The following HOMER2 variants were observed in gnomAD, a reference collection of about 807,000 sequenced individuals.
HOMER2 encodes the protein homer protein homolog 2.
Under a neutral mutation model 47.0 loss-of-function variants are expected in HOMER2, and 27 were observed. The observed-to-expected ratio is 0.57, with a 90% confidence interval of 0.42 to 0.79. The LOEUF (loss-of-function observed/expected upper bound fraction) is 0.79, where lower values mean the gene tolerates loss of function less well. Among genes scored for constraint, HOMER2 ranks in the 30% least tolerant of loss-of-function variants. The pLI, the probability that HOMER2 is intolerant of heterozygous loss-of-function variation, is 0.00. For missense variants in HOMER2, 443 were observed against 435.0 expected, an observed-to-expected ratio of 1.02 and a Z score of -0.16; for synonymous variants, 161 against 163.8, an observed-to-expected ratio of 0.98 and a Z score of 0.13.
intron 1 of HOMER2, among the ~76,000 whole-genome samples, chr15:82,922,777 G>C (rs2053762116): frequency 6.6e-6 from 1 of 152,128 alleles, no homozygotes; most frequent in Admixed American, 6.5e-5. Context: ...CTCAGCCTTT[G>C]TCTCCACCTA....
intron 1 of HOMER2, among the ~76,000 whole-genome samples, chr15:82,893,623 G>A (rs111269786): frequency 0.012 from 1,622 of 137,730 alleles, 29 homozygotes; most frequent in African/African-American, 0.045. Context: ...AAGCCACTGC[G>A]CCTTTTTTTT....
At chr15:82,912,225 G>A (rs1312336323) in intron 1 of HOMER2, among the ~76,000 whole-genome samples, 7 of 151,980 alleles carry the variant, frequency 4.6e-5, no homozygotes, top group Admixed American at 2.6e-4. Flanking sequence ...CTCAAACCCC[G>A]TACTCATTAG....
Position 82,868,548 on chromosome 15 carries a change from T to A in HOMER2, c.295-4289A>T, listed in dbSNP as rs1351811951. Among the ~76,000 whole-genome samples, 245 of 117,176 alleles carry A rather than the reference T, an allele frequency of 2.1e-3. 2 individuals are homozygous for A. The highest frequency in any genetic ancestry group is 3.9e-3 in the African/African-American group (119 of 30,480). 76.9% of individuals were successfully genotyped at this position (117,176 alleles called of 152,430 possible). Reference sequence around the variant, plus strand: ...TTATATATATATATATATATTTTTTTTTTTTTTTTTCCCCTTTTGAGACTG... The same window carrying A: ...TTATATATATATATATATATTTTTTATTTTTTTTTTCCCCTTTTGAGACTG... On this transcript the variant is annotated intron_variant, in intron 3 of 8. Transcript: ENST00000450735.
At chr15:82,873,768 G>C (rs961795617) in intron 3 of HOMER2, among the ~76,000 whole-genome samples, 5 of 152,222 alleles carry the variant, frequency 3.3e-5, no homozygotes, top group African/African-American at 1.2e-4. Context: ...AGGAAACAGA[G>C]TCTTCGTGGA....
intron 1 of HOMER2, among the ~76,000 whole-genome samples, chr15:82,933,420 A>T (rs1374748442): frequency 6.6e-6 from 1 of 152,060 alleles, no homozygotes; most frequent in Non-Finnish European, 1.5e-5. Context: ...AACACAAAAA[A>T]TGACTGGTAG....
chr15:82,932,734 T>C (rs2151199550), intron 1 of HOMER2, among the ~76,000 whole-genome samples: 1 of 152,146 alleles, frequency 6.6e-6, no homozygotes, highest in African/African-American at 2.4e-5. Flanking sequence ...CAAGACACTC[T>C]CTCTGAGGAT....
intron 4 of HOMER2, among the ~76,000 whole-genome samples, chr15:82,863,307 G>A (rs1666505303): frequency 6.6e-6 from 1 of 152,028 alleles, no homozygotes; most frequent in African/African-American, 2.4e-5. Flanking sequence ...AACCCTCTCA[G>A]GTGAAATCCA....
chr15:82,842,860 G>C (rs959012391), exon 2 of HOMER2: 2 of 152,000 alleles, frequency 1.3e-5, no homozygotes, highest in African/African-American at 4.8e-5. Flanking sequence ...ACAGTGTTGG[G>C]GTAATTTAGA....
intron 3 of HOMER2, among the ~76,000 whole-genome samples, chr15:82,868,542 T>TATATATATATA (rs370867216): frequency 0.014 from 609 of 42,594 alleles, 14 homozygotes; most frequent in Middle Eastern, 0.026. Context: ...TATATATATA[T>TATATATATATA]TTTTTTTTTT....
downstream of HOMER2, chr15:82,845,828 T>C (rs750755243): frequency 2.0e-5 from 3 of 152,304 alleles, no homozygotes; most frequent in East Asian, 1.9e-4. Context: ...CTGGTTTCTA[T>C]AGAGAAGGAG....
upstream of HOMER2, chr15:82,952,757 G>A: frequency 1.1e-6 from 1 of 935,670 alleles, no homozygotes; most frequent in Non-Finnish European, 1.3e-6. Flanking sequence ...CTGGGGCGGT[G>A]CCCGCCCCGC....
At chr15:82,924,396 C>G (rs1367279330) in intron 1 of HOMER2, among the ~76,000 whole-genome samples, 1 of 138,756 alleles carries the variant, frequency 7.2e-6, no homozygotes, top group African/African-American at 2.7e-5. Flanking sequence ...GGCCCCAGAA[C>G]AGCCCCTGCT....
chr15:82,971,247 G>A (rs1387861048), intron 1 of HOMER2, among the ~76,000 whole-genome samples: 2 of 152,144 alleles, frequency 1.3e-5, no homozygotes, highest in East Asian at 1.9e-4. Context: ...AAAATTATGG[G>A]GGGTAGGGAA....
At chr15:82,938,312 T>C (rs2054185126) in intron 1 of HOMER2, among the ~76,000 whole-genome samples, 1 of 152,108 alleles carries the variant, frequency 6.6e-6, no homozygotes, top group Non-Finnish European at 1.5e-5. Flanking sequence ...AGGCAGAGGT[T>C]GCAGTAAGTT....
At chr15:82,859,970 G>A (rs906498297) in intron 4 of HOMER2, among the ~76,000 whole-genome samples, 5 of 152,224 alleles carry the variant, frequency 3.3e-5, no homozygotes, top group East Asian at 1.9e-4. Context: ...AATGTCGGCC[G>A]GGCGCGGTGG....
Position 82,888,796 on chromosome 15 carries a change from G to A in HOMER2, c.162+3889C>T, listed in dbSNP as rs1331320696. On this transcript the variant is annotated intron_variant, in intron 2 of 8. Transcript: ENST00000450735. ...CACACTGGCCTGCGCCCACTGTCTG[G>A]CACTCCCTAGTGAGATGAACCCGGT... 2.4e-5 allele frequency among the ~76,000 whole-genome samples: 2 copies of A among 82,096 alleles called. 1 individual carries two copies. The highest frequency in any genetic ancestry group is 4.6e-5 in the Non-Finnish European group (2 of 43,436). The allele number at this position is 82,096 out of a possible 152,430, so 53.9% of individuals were successfully genotyped here. A position where few individuals can be genotyped will look rare whatever the true frequency, so the allele number is the denominator to read the frequency against.
chr15:82,853,143 G>A (rs1447837994), intron 6 of HOMER2, among the ~76,000 whole-genome samples: 1 of 152,210 alleles, frequency 6.6e-6, no homozygotes, highest in Non-Finnish European at 1.5e-5. Context: ...CCCTGCTGCT[G>A]CTGGAAACCA....
At chr15:82,945,865 G>C (rs1341344961) in intron 1 of HOMER2, among the ~76,000 whole-genome samples, 1 of 152,098 alleles carries the variant, frequency 6.6e-6, no homozygotes, top group Non-Finnish European at 1.5e-5. Flanking sequence ...AGCTACTCGG[G>C]AGGCTAAGGT....
chr15:82,957,357 A>G (rs1010552897), upstream of HOMER2, among the ~76,000 whole-genome samples: 3 of 152,126 alleles, frequency 2.0e-5, no homozygotes, highest in Non-Finnish European at 4.4e-5. Flanking sequence ...TACATCTTCA[A>G]TACATTACAG....
Sources: gnomAD v4.1 joint callset for allele counts (sites outside exome capture counted in the v4.1 genomes callset) on GRCh38, gnomAD v4.1.1 for gene constraint, MANE v1.5 for transcripts, NCBI Gene and HGNC (gene_info 2026-07-23, HGNC 2026-07-21) for gene names.